The following ARK2N variants were observed in gnomAD, a reference collection of about 807,000 sequenced individuals.
The protein encoded by ARK2N is protein ARK2N.
the ARK2N span, among the ~76,000 whole-genome samples, chr18:46,225,223 T>A: frequency 6.6e-6 from 1 of 152,266 alleles, no homozygotes; most frequent in Non-Finnish European, 1.5e-5. Flanking sequence ...GGCAGATGCC[T>A]GATTTCCAAG....
At chr18:46,262,978 C>T in the ARK2N span, 2 of 1,614,048 alleles carry the variant, frequency 1.2e-6, no homozygotes, top group Non-Finnish European at 1.7e-6. Flanking sequence ...TTCATGGAAG[C>T]ATGGCTCGGG....
chr18:46,198,548 G>T, the ARK2N span, among the ~76,000 whole-genome samples: 11 of 151,968 alleles, frequency 7.2e-5, no homozygotes, highest in Non-Finnish European at 1.6e-4. Context: ...ATACGCAAAT[G>T]TAGGTAGATT....
chr18:46,242,978 T>C, the ARK2N span, among the ~76,000 whole-genome samples: 1 of 152,242 alleles, frequency 6.6e-6, no homozygotes, highest in Non-Finnish European at 1.5e-5. Flanking sequence ...TTGTGCATAT[T>C]GGACTATAAA....
the ARK2N span, among the ~76,000 whole-genome samples, chr18:46,210,268 A>C: frequency 6.6e-6 from 1 of 152,224 alleles, no homozygotes; most frequent in African/African-American, 2.4e-5. Flanking sequence ...AAAACTATTA[A>C]AGAGGTGGGA....
At chr18:46,205,451 C>T in the ARK2N span, among the ~76,000 whole-genome samples, 4 of 152,146 alleles carry the variant, frequency 2.6e-5, no homozygotes, top group African/African-American at 9.7e-5. Flanking sequence ...AAGTTGTTAA[C>T]AATCAAAAAA....
the ARK2N span, among the ~76,000 whole-genome samples, chr18:46,244,966 C>T: frequency 2.0e-5 from 3 of 152,006 alleles, no homozygotes; most frequent in African/African-American, 7.3e-5. Flanking sequence ...TGGATTCCAG[C>T]TCTGTCGCTC....
the ARK2N span, chr18:46,215,782 G>T: frequency 8.3e-7 from 1 of 1,202,290 alleles, no homozygotes; most frequent in South Asian, 1.5e-5. Context: ...CTGGCATTCT[G>T]TTTATTGACT....
chr18:46,197,578 T>C, the ARK2N span, among the ~76,000 whole-genome samples: 1 of 152,248 alleles, frequency 6.6e-6, no homozygotes, highest in Admixed American at 6.5e-5. Context: ...CAAGTACGGC[T>C]GAAGCTTCTC....
chr18:46,240,136 G>C, the ARK2N span: 2 of 1,614,218 alleles, frequency 1.2e-6, no homozygotes, highest in Admixed American at 1.7e-5. Flanking sequence ...CCAGGACACA[G>C]GAGCTACCTG....
chr18:46,224,059 A>T, the ARK2N span, among the ~76,000 whole-genome samples: 1 of 152,178 alleles, frequency 6.6e-6, no homozygotes, highest in African/African-American at 2.4e-5. Context: ...AATTATATAT[A>T]TATGGGGCCA....
the ARK2N span, among the ~76,000 whole-genome samples, chr18:46,245,304 A>G: frequency 6.6e-6 from 1 of 152,094 alleles, no homozygotes; most frequent in East Asian, 1.9e-4. Context: ...GCTGTGGCTC[A>G]CGCCTATAAT....
At chr18:46,219,664 G>C in the ARK2N span, among the ~76,000 whole-genome samples, 1 of 151,994 alleles carries the variant, frequency 6.6e-6, no homozygotes, top group Non-Finnish European at 1.5e-5. Flanking sequence ...TAGAGACGGG[G>C]TTTCACCATG....
At chr18:46,259,772 C>CTGTGTGTGTG in the ARK2N span, among the ~76,000 whole-genome samples, 445 of 104,852 alleles carry the variant, frequency 4.2e-3, 21 homozygotes, top group South Asian at 6.3e-3. Context: ...CACCCAGCTA[C>CTGTGTGTGTG]TGTGTGTGTG....
At chr18:46,182,322 G>A in the ARK2N span, among the ~76,000 whole-genome samples, 32 of 152,184 alleles carry the variant, frequency 2.1e-4, no homozygotes, top group African/African-American at 7.7e-4. Flanking sequence ...TGTGTATAGT[G>A]GAGAGAATTT....
the ARK2N span, chr18:46,231,685 G>C: frequency 6.7e-6 from 1 of 149,052 alleles, no homozygotes; most frequent in African/African-American, 2.5e-5. Flanking sequence ...AGATTTAACA[G>C]CAAGAGTCTC....
chr18:46,247,280 T>G, the ARK2N span, among the ~76,000 whole-genome samples: 1 of 152,190 alleles, frequency 6.6e-6, no homozygotes, highest in East Asian at 1.9e-4. Context: ...ATAAGGCTAT[T>G]GGAGGTAGTA....
At chr18:46,192,289 T>C in the ARK2N span, among the ~76,000 whole-genome samples, 1 of 152,082 alleles carries the variant, frequency 6.6e-6, no homozygotes, top group African/African-American at 2.4e-5. Flanking sequence ...GAATGTGGAC[T>C]CTGGCTGGGT....
At chr18:46,259,342 C>A in the ARK2N span, among the ~76,000 whole-genome samples, 1 of 150,418 alleles carries the variant, frequency 6.6e-6, no homozygotes, top group Non-Finnish European at 1.5e-5. Flanking sequence ...CTCCTGGGTT[C>A]AAGCGATTCT....
the ARK2N span, among the ~76,000 whole-genome samples, chr18:46,248,425 C>CA: frequency 1.3e-4 from 20 of 151,912 alleles, no homozygotes; most frequent in Middle Eastern, 3.4e-3. Context: ...GATAAGATGG[C>CA]AAAAAATGGA....
Sources: gnomAD v4.1 joint callset for allele counts (sites outside exome capture counted in the v4.1 genomes callset) on GRCh38, gnomAD v4.1.1 for gene constraint, MANE v1.5 for transcripts, NCBI Gene and HGNC (gene_info 2026-07-23, HGNC 2026-07-21) for gene names.